The following PLEKHG3 variants were observed in gnomAD, a reference collection of about 807,000 sequenced individuals.
PLEKHG3 encodes the protein pleckstrin homology and RhoGEF domain containing G3, also known as pleckstrin homology domain-containing family G member 3.
PLEKHG3 carries 62 observed loss-of-function variants against 94.9 expected under a neutral mutation model. The observed-to-expected ratio is 0.65, with a 90% confidence interval of 0.53 to 0.81. PLEKHG3 has a LOEUF of 0.81. Among genes scored for constraint, PLEKHG3 ranks in the 30% least tolerant of loss-of-function variants. The pLI is 0.00. For synonymous variants in PLEKHG3, 614 were observed against 654.0 expected (o/e 0.94, Z 0.93); for missense variants, 1,461 against 1,619.3 (o/e 0.90, Z 1.68).
intron 12 of PLEKHG3, among the ~76,000 whole-genome samples, chr14:64,734,927 T>G (rs956086897): frequency 6.6e-6 from 1 of 152,110 alleles, no homozygotes; most frequent in African/African-American, 2.4e-5. Flanking sequence ...GGTTTCACCA[T>G]GTTGGTCAGG....
chr14:64,741,652 G>A lies in PLEKHG3; in HGVS notation c.2135G>A (p.Arg712Gln), dbSNP rs139806819. The A allele has an allele frequency of 1.9e-5, 31 of 1,612,984 alleles. No individual in the cohort carries two copies. In the African/African-American group the frequency reaches 2.5e-4, roughly 13 times the overall value. The change falls in exon 16 of 17, where the codon CGA becomes CAA. Residue 712 changes from arginine (R) to glutamine (Q), a missense_variant. Transcript: ENST00000247226. ...CKKKESALST[R>Q]DRLLLDKIKS... Reference sequence around the variant, plus strand: ...AAGAAGGAATCAGCACTCTCCACCCGAGACCGGCTGTTGCTAGACAAGATT... The same window carrying A: ...AAGAAGGAATCAGCACTCTCCACCCAAGACCGGCTGTTGCTAGACAAGATT...
chr14:64,743,029 G>A lies in PLEKHG3; in HGVS notation c.2986G>A (p.Ala996Thr). 1 of 1,613,210 alleles carries A rather than the reference G, an allele frequency of 6.2e-7. No homozygotes were observed. Among genetic ancestry groups the A allele is most frequent in the Non-Finnish European group, 8.5e-7 (1 of 1,179,808 alleles). The change falls in exon 17 of 17, where the codon GCC (alanine) becomes ACC (threonine). Residue 996 changes from alanine (A) to threonine (T), a missense_variant. Physicochemically the swap from Ala to Thr is moderately conservative, Grantham distance 58. Transcript: ENST00000247226. The surrounding 1 kb of genome is among the most constrained non-coding windows in gnomAD (Gnocchi z 7.2). ...LSLFDYEQLMAQEHSPPKPSS... is the reference protein window; with the variant it reads ...LSLFDYEQLMTQEHSPPKPSS... The stretch of plus-strand genomic sequence containing the variant: ...TCTATTTGACTATGAGCAGCTGATG[G>A]CCCAGGAGCACAGCCCTCCCAAGCC...
chr14:64,705,210 G>A (rs1189652439), intron 1 of PLEKHG3, among the ~76,000 whole-genome samples: 3 of 152,232 alleles, frequency 2.0e-5, no homozygotes, highest in Non-Finnish European at 4.4e-5. Flanking sequence ...GAGGAGAGTG[G>A]GGGCCAGAAG....
In PLEKHG3 at chr14:64,743,801, G is replaced by T. The variant is rs531076269; in HGVS notation, c.*98G>T. The T allele has an allele frequency of 2.2e-6, 3 of 1,341,256 alleles. No homozygotes were observed. Among genetic ancestry groups the T allele is most frequent in the Non-Finnish European group, 3.0e-6 (3 of 1,009,062 alleles). 83.1% of individuals were successfully genotyped at this position (1,341,256 alleles called of 1,614,324 possible). A position where few individuals can be genotyped will look rare whatever the true frequency, so the allele number is the denominator to read the frequency against. On this transcript the variant is annotated 3_prime_UTR_variant, in exon 17 of 17. Transcript: ENST00000247226. The surrounding 1 kb of genome is among the most constrained non-coding windows in gnomAD (Gnocchi z 7.2). ...TGGGCTCATGGAGCCCCTGCCCAGG[G>T]CCCTCAGGTGGGCGGAAAGTCCATC...
At chr14:64,729,832 T>C (rs1302112559) in intron 3 of PLEKHG3, among the ~76,000 whole-genome samples, 1 of 152,050 alleles carries the variant, frequency 6.6e-6, no homozygotes, top group Non-Finnish European at 1.5e-5. Context: ...TTTCTAGGGG[T>C]GCCAGGACTC....
chr14:64,732,046 C>T lies in PLEKHG3; in HGVS notation c.1126-49C>T. On this transcript the variant is annotated intron_variant, in intron 9 of 16. Coordinates refer to ENST00000247226, the MANE Select transcript of PLEKHG3 (RefSeq NM_001308147.2). This position sits in a 1 kb window ranked among gnomAD's most constrained non-coding sequence, Gnocchi z 4.9. ...AAGCACTGTCCATGCTAGACAGCTT[C>T]AGGCCTGTAATGATAACCACTGGGT... The T allele has an allele frequency of 7.4e-7, 1 of 1,356,102 alleles. No individual in the cohort carries two copies. The highest frequency in any genetic ancestry group is 1.1e-6 in the Non-Finnish European group (1 of 944,594). 84.0% of individuals were successfully genotyped at this position (1,356,102 alleles called of 1,614,324 possible). A position where few individuals can be genotyped will look rare whatever the true frequency, so the allele number is the denominator to read the frequency against.
Position 64,716,459 on chromosome 14 carries a change from CACACACA to C in PLEKHG3, c.-39-11126_-39-11120del, listed in dbSNP as rs1264317409. On this transcript the variant is annotated intron_variant, in intron 1 of 16. Coordinates refer to ENST00000247226, the MANE Select transcript of PLEKHG3 (RefSeq NM_001308147.2). The surrounding 1 kb of genome is among the most constrained non-coding windows in gnomAD (Gnocchi z 5.0). ...CTACACACACACACACACACACACACACACACAACACACACACACACAACACACACAC... is the reference window on the plus strand; with the variant it reads ...CTACACACACACACACACACACACACACACACACACACACAACACACACAC... Among the ~76,000 whole-genome samples, 1,227 of 120,888 alleles carry C rather than the reference CACACACA, an allele frequency of 0.01. 9 individuals are homozygous for C. Among genetic ancestry groups the C allele is most frequent in the Non-Finnish European group, 0.015 (827 of 55,066 alleles). The allele number at this position is 120,888 out of a possible 152,430, so 79.3% of individuals were successfully genotyped here. A position where few individuals can be genotyped will look rare whatever the true frequency, so the allele number is the denominator to read the frequency against.
At chr14:64,714,741 C>A (rs2081111646) in intron 1 of PLEKHG3, among the ~76,000 whole-genome samples, 1 of 152,186 alleles carries the variant, frequency 6.6e-6, no homozygotes, top group African/African-American at 2.4e-5. Context: ...GCTTGGCCTT[C>A]CCTTCCCAAA....
intron 12 of PLEKHG3, among the ~76,000 whole-genome samples, 190 bp downstream of exon 12, chr14:64,733,091 CT>C (rs35653060): frequency 0.078 from 11,937 of 152,184 alleles, 522 homozygotes; most frequent in Non-Finnish European, 0.088. Flanking sequence ...CCAGGTACCC[CT>C]GGGCCCTCGT....
Position 64,743,598 on chromosome 14 carries a change from G to A in PLEKHG3, c.3555G>A (p.Glu1185=). The A allele has an allele frequency of 6.2e-7, 1 of 1,612,944 alleles. No homozygotes were observed. Among genetic ancestry groups the A allele is most frequent in the Non-Finnish European group, 8.5e-7 (1 of 1,179,988 alleles). ...TTCAGGACTTCCAGCAGTCTGCAGA[G>A]TGCCAGCCGAAGGAAGAGGGTTCCA... ...GQVQDFQQSA[E]CQPKEEGSRD... Residue 1185 remains glutamate (E), a synonymous_variant, in exon 17 of 17, where the codon GAG becomes GAA. Coordinates refer to ENST00000247226, the MANE Select transcript of PLEKHG3 (RefSeq NM_001308147.2). The surrounding 1 kb of genome is among the most constrained non-coding windows in gnomAD (Gnocchi z 7.2).
At chr14:64,740,445 T>G (rs1029167249) in intron 15 of PLEKHG3, among the ~76,000 whole-genome samples, 2 of 152,266 alleles carry the variant, frequency 1.3e-5, no homozygotes, top group African/African-American at 4.8e-5. Context: ...CCACAGGTAC[T>G]GGGAGGAGCC....
chr14:64,742,374 A>G lies in PLEKHG3; in HGVS notation c.2857A>G (p.Lys953Glu), dbSNP rs767378372. The change falls in exon 16 of 17, where the codon AAG becomes GAG. Residue 953 changes from lysine (K) to glutamate (E), a missense_variant. By Grantham distance (56) the Lys-to-Glu change is moderately conservative. Transcript: ENST00000247226. Reference protein sequence around the residue: ...VMARPPLQWEKVAPERDGKSP... With the variant: ...VMARPPLQWEEVAPERDGKSP... ...GGCCAGGCCACCACTGCAGTGGGAA[A>G]AGGTGGCCCCTGAGAGGGATGGGAA... 6.2e-7 allele frequency: 1 copy of G among 1,613,004 alleles called. No homozygotes were observed. The highest frequency in any genetic ancestry group is 8.5e-7 in the Non-Finnish European group (1 of 1,180,016).
chr14:64,710,789 C>G (rs772254202), intron 1 of PLEKHG3, among the ~76,000 whole-genome samples: 13 of 149,862 alleles, frequency 8.7e-5, no homozygotes, highest in Non-Finnish European at 1.8e-4. Flanking sequence ...CCAGGAAAAG[C>G]AAGTGCTAGC....
rs777255051 is a variant in PLEKHG3, at chr14:64,749,488, G to C, written c.*5785G>C. 1.3e-6 allele frequency: 2 copies of C among 1,598,904 alleles called. No individual in the cohort carries two copies. The highest frequency in any genetic ancestry group is 1.7e-6 in the Non-Finnish European group (2 of 1,177,968). On this transcript the variant is annotated 3_prime_UTR_variant, in exon 17 of 17. Coordinates refer to ENST00000247226, the MANE Select transcript of PLEKHG3 (RefSeq NM_001308147.2). The surrounding 1 kb of genome is among the most constrained non-coding windows in gnomAD (Gnocchi z 4.7). ...AGCATCTCCTCCTGCGGGGCGGAGG[G>C]TCACGGTGGAGTCTGGAGGCCCACA...
rs1254062847 is a variant in PLEKHG3, at chr14:64,738,264, C to T, written c.1405-478C>T. The T allele has an allele frequency of 8.1e-7, 1 of 1,237,892 alleles. No individual in the cohort carries two copies. The highest frequency in any genetic ancestry group is 2.3e-5 in the Admixed American group (1 of 42,912). The allele number at this position is 1,237,892 out of a possible 1,614,324, so 76.7% of individuals were successfully genotyped here. On this transcript the variant is annotated intron_variant, in intron 14 of 16. Transcript: ENST00000247226. This position sits in a 1 kb window ranked among gnomAD's most constrained non-coding sequence, Gnocchi z 4.8. ...CGATCTCCCCTCCTCCTTGCATGCT[C>T]CCTGGGATGTGCATGCCCACCCGAG...
In PLEKHG3 at chr14:64,731,227, TG is replaced by T; in HGVS notation, c.849+61del. On this transcript the variant is annotated intron_variant, in intron 7 of 16. Transcript: ENST00000247226. The surrounding 1 kb of genome is among the most constrained non-coding windows in gnomAD (Gnocchi z 6.1). ...AGGGCTGGGTGGGCCAGGCTTCCGC[TG>T]GGAAGAGGGACTGTGGCCACCCTGC... The T allele has an allele frequency of 6.5e-7, 1 of 1,530,134 alleles. No individual in the cohort carries two copies. Among genetic ancestry groups the T allele is most frequent in the Non-Finnish European group, 9.0e-7 (1 of 1,114,632 alleles). The allele number at this position is 1,530,134 out of a possible 1,614,324, so 94.8% of individuals were successfully genotyped here.
chr14:64,713,343 T>C (rs979102394), intron 1 of PLEKHG3, among the ~76,000 whole-genome samples: 1 of 152,206 alleles, frequency 6.6e-6, no homozygotes, highest in African/African-American at 2.4e-5. Context: ...GCTGTTTTTT[T>C]GTGGGGTGAG....
chr14:64,712,846 G>A (rs965208783), intron 1 of PLEKHG3, among the ~76,000 whole-genome samples: 9 of 152,024 alleles, frequency 5.9e-5, no homozygotes, highest in South Asian at 2.1e-4. Flanking sequence ...CTCCAGTATC[G>A]AATATAGTGG....
At position 64,743,133 on chromosome 14, in the gene PLEKHG3, G is replaced by T. The variant is rs201889024; in HGVS notation, c.3090G>T (p.Gly1030=). 4 of 1,611,992 alleles carry T rather than the reference G, an allele frequency of 2.5e-6. No homozygotes were observed. The Admixed American group carries it at 6.7e-5, about 27-fold the overall frequency. ...TCAGCCAGAGGACCACCTCGCCTGG[G>T]GGCCGGCCCTCCGCCCGGAGCCCCC... ...SAVSQRTTSP[G]GRPSARSPLS... is the part of the protein sequence containing the mutation. Residue 1030 remains glycine (G), a synonymous_variant, in exon 17 of 17, where the codon GGG becomes GGT. Transcript: ENST00000247226. This position sits in a 1 kb window ranked among gnomAD's most constrained non-coding sequence, Gnocchi z 7.2.
Sources: allele counts gnomAD v4.1 joint callset (sites outside exome capture counted in the v4.1 genomes callset), GRCh38; gene constraint gnomAD v4.1.1; non-coding constraint Gnocchi (gnomAD v3.1); transcripts MANE v1.5; gene names NCBI Gene and HGNC (gene_info 2026-07-23, HGNC 2026-07-21).